ARHGAP20: variants seen among roughly 807,000 people sequenced by gnomAD.
ARHGAP20 encodes the protein Rho GTPase activating protein 20.
ARHGAP20 carries 34 observed loss-of-function variants against 73.7 expected under a neutral mutation model. That is an observed-to-expected ratio of 0.46 (90% CI 0.35 to 0.61). The LOEUF (loss-of-function observed/expected upper bound fraction) is 0.61. Ranked by LOEUF, ARHGAP20 falls within the 20% of genes least tolerant of loss-of-function variation. ARHGAP20 has a pLI of 0.00. For synonymous variants in ARHGAP20, 523 were observed against 518.2 expected (o/e 1.01, Z -0.13); for missense variants, 1,314 against 1,420.9 (o/e 0.92, Z 1.21).
In ARHGAP20 at chr11:110,711,620, G is replaced by A. The variant is rs760279789; in HGVS notation, c.105+507C>T. ...AGCCGCGCCTCGGCGGGCAGGTGAG[G>A]GGGCCGAGCCCACCAGCGCCGCAGC... On this transcript the variant is annotated intron_variant, in intron 1 of 14. Coordinates refer to ENST00000683387, the MANE Select transcript of ARHGAP20 (RefSeq NM_001384657.1). The A allele has an allele frequency of 3.8e-5, 56 of 1,487,964 alleles. 1 individual carries two copies. In the South Asian group the frequency reaches 6.4e-4, roughly 17 times the overall value. 92.2% of individuals were successfully genotyped at this position (1,487,964 alleles called of 1,614,324 possible).
At chr11:110,612,301 G>A (rs1345731211) in intron 6 of ARHGAP20, among the ~76,000 whole-genome samples, 3 of 151,566 alleles carry the variant, frequency 2.0e-5, no homozygotes, top group Non-Finnish European at 4.4e-5. Flanking sequence ...AGTGGTGGGG[G>A]CCTGTAGTCC....
At chr11:110,693,382 G>T (rs192786121) in intron 1 of ARHGAP20, among the ~76,000 whole-genome samples, 1 of 152,014 alleles carries the variant, frequency 6.6e-6, no homozygotes, top group East Asian at 1.9e-4. Context: ...CACAAAATGA[G>T]ACAGTTTGGA....
intron 3 of ARHGAP20, among the ~76,000 whole-genome samples, chr11:110,627,762 T>C (rs1948776626): frequency 6.6e-6 from 1 of 152,234 alleles, no homozygotes; most frequent in Non-Finnish European, 1.5e-5. Flanking sequence ...GTAAATTCCA[T>C]ATGGGTGCTC....
intron 2 of ARHGAP20, among the ~76,000 whole-genome samples, chr11:110,681,358 C>T (rs1717876161): frequency 6.6e-6 from 1 of 152,090 alleles, no homozygotes. Context: ...CTGGTAACTT[C>T]TCTTTTAAAT....
At chr11:110,700,655 T>C (rs1950427791) in intron 1 of ARHGAP20, among the ~76,000 whole-genome samples, 2 of 151,762 alleles carry the variant, frequency 1.3e-5, no homozygotes, top group Non-Finnish European at 1.5e-5. Flanking sequence ...TAGTTACATA[T>C]GTATACATGT....
intron 1 of ARHGAP20, among the ~76,000 whole-genome samples, chr11:110,694,530 A>G (rs773721943): frequency 4.6e-5 from 7 of 151,754 alleles, no homozygotes; most frequent in Non-Finnish European, 8.9e-5. Context: ...TTACATTTAA[A>G]TAATAACACA....
At chr11:110,626,134 C>T (rs544837145) in intron 3 of ARHGAP20, among the ~76,000 whole-genome samples, 1 of 152,014 alleles carries the variant, frequency 6.6e-6, no homozygotes, top group African/African-American at 2.4e-5. Flanking sequence ...AATTACAGAC[C>T]AAATTTTATT....
intron 2 of ARHGAP20, among the ~76,000 whole-genome samples, chr11:110,650,809 C>T (rs922931769): frequency 6.6e-6 from 1 of 152,104 alleles, no homozygotes; most frequent in Non-Finnish European, 1.5e-5. Context: ...CCCATGCTAA[C>T]AGACTCTAAT....
At chr11:110,627,181 C>T (rs1948763071) in intron 3 of ARHGAP20, among the ~76,000 whole-genome samples, 1 of 152,108 alleles carries the variant, frequency 6.6e-6, no homozygotes, top group Admixed American at 6.5e-5. Flanking sequence ...CACCACCCCT[C>T]AGGTTCAAGT....
Position 110,580,370 on chromosome 11 carries a change from T to C in ARHGAP20, c.2576A>G (p.Tyr859Cys), listed in dbSNP as rs1450657425. ...NIEDQNRKLT[Y>C]LRGIYSKKQH... ...TTTCTTTGAATAAATTCCCCTGAGA[T>C]AGGTCAGCTTGCGGTTCTGGTCTTC... The change falls in exon 15 of 15, where the codon TAT becomes TGT. Residue 859 changes from tyrosine to cysteine, a missense_variant. Around this residue, in one of 3 missense-constraint regions of ARHGAP20, gnomAD observed 641 missense variants for 636.9 expected, o/e 1.01. Coordinates refer to ENST00000683387, the MANE Select transcript of ARHGAP20 (RefSeq NM_001384657.1). 1.2e-6 allele frequency: 2 copies of C among 1,614,230 alleles called. No individual in the cohort carries two copies. Among genetic ancestry groups the C allele is most frequent in the African/African-American group, 2.7e-5 (2 of 75,064 alleles).
chr11:110,665,392 GAAT>G (rs1300249412), intron 2 of ARHGAP20, among the ~76,000 whole-genome samples: 1 of 151,984 alleles, frequency 6.6e-6, no homozygotes, highest in Non-Finnish European at 1.5e-5. Flanking sequence ...GATTATGCTA[GAAT>G]AATTTAATCT....
chr11:110,654,863 A>G (rs577788549), intron 2 of ARHGAP20, among the ~76,000 whole-genome samples: 1 of 152,366 alleles, frequency 6.6e-6, no homozygotes, highest in African/African-American at 2.4e-5. Flanking sequence ...TATATTGTAA[A>G]TAAATTCCAC....
chr11:110,577,545 T>TCTGA lies in ARHGAP20; in HGVS notation c.*1821_*1824dup, dbSNP rs1267462756. ...AAGAGCTTCATTCACATCTTGCAGT[T>TCTGA]CTGACTGACAGTAGTATGCCCTAAG... On this transcript the variant is annotated 3_prime_UTR_variant, in exon 15 of 15. Transcript: ENST00000683387. The TCTGA allele has an allele frequency of 6.0e-6, 6 of 992,208 alleles. No individual in the cohort carries two copies. The East Asian group carries it at 5.5e-4, about 90-fold the overall frequency. 61.5% of individuals were successfully genotyped at this position (992,208 alleles called of 1,614,324 possible).
chr11:110,650,885 G>A (rs1169942776), intron 2 of ARHGAP20, among the ~76,000 whole-genome samples: 1 of 152,084 alleles, frequency 6.6e-6, no homozygotes, highest in African/African-American at 2.4e-5. Flanking sequence ...ATGTAGTTCT[G>A]GAATTCTAAG....
At chr11:110,661,368 A>G (rs1320096644) in intron 2 of ARHGAP20, among the ~76,000 whole-genome samples, 2 of 152,156 alleles carry the variant, frequency 1.3e-5, no homozygotes, top group East Asian at 3.8e-4. Flanking sequence ...AATTTAGTTG[A>G]AAAGGGCCTT....
At chr11:110,633,842 C>T (rs1016755086) in intron 2 of ARHGAP20, among the ~76,000 whole-genome samples, 2 of 151,974 alleles carry the variant, frequency 1.3e-5, no homozygotes, top group Non-Finnish European at 2.9e-5. Context: ...GGTGGTATGG[C>T]AAGATCAGGT....
chr11:110,690,483 A>T, intron 2 of ARHGAP20, 64 bp downstream of exon 2: 7 of 1,421,892 alleles, frequency 4.9e-6, no homozygotes, highest in Non-Finnish European at 6.9e-6. Context: ...GATCTGAAAA[A>T]CTCTTCATCT....
intron 2 of ARHGAP20, among the ~76,000 whole-genome samples, chr11:110,637,370 T>C (rs1002229557): frequency 5.9e-5 from 9 of 152,088 alleles, no homozygotes; most frequent in African/African-American, 1.9e-4. Flanking sequence ...GACCGATAAC[T>C]GTTAAATAAC....
intron 2 of ARHGAP20, among the ~76,000 whole-genome samples, chr11:110,661,625 C>T (rs10891158): frequency 0.26 from 39,401 of 151,822 alleles, 5,253 homozygotes; most frequent in African/African-American, 0.33. Context: ...TCATGAATTT[C>T]CTGTTTTCAT....
Sources: allele counts gnomAD v4.1 joint callset (sites outside exome capture counted in the v4.1 genomes callset), GRCh38; gene constraint gnomAD v4.1.1; regional missense constraint gnomAD v4.1.1; transcripts MANE v1.5; gene names NCBI Gene and HGNC (gene_info 2026-07-23, HGNC 2026-07-21).